LRRC75A: variants seen among roughly 807,000 people sequenced by gnomAD.
The protein encoded by LRRC75A is leucine rich repeat containing 75A.
A neutral mutation model predicts 26.0 loss-of-function variants in LRRC75A; 12 were observed. The observed-to-expected ratio is 0.46, with a 90% CI of 0.30 to 0.75. LRRC75A has a LOEUF of 0.75. LRRC75A is among the 30% of genes least tolerant of loss of function. The pLI, the probability that LRRC75A is intolerant of heterozygous loss-of-function variation, is 0.08. For synonymous variants in LRRC75A, 223 were observed against 219.3 expected, an observed-to-expected ratio of 1.02 and a Z score of -0.15; for missense variants, 410 against 486.6, an observed-to-expected ratio of 0.84 and a Z score of 1.48.
At chr17:16,476,564 T>C (rs1382415507) in intron 1 of LRRC75A, among the ~76,000 whole-genome samples, 1 of 151,350 alleles carries the variant, frequency 6.6e-6, no homozygotes, top group Non-Finnish European at 1.5e-5. Context: ...TGTAGGTATT[T>C]CAGATTTCTT....
chr17:16,491,874 G>T lies in LRRC75A; in HGVS notation c.117C>A (p.Asp39Glu). ...TCCCCGCGCCCGCGCGCCCCGCCTT[G>T]TCCCCGGCGCGCAGCAGCAGCGACG... ...FWASLLLRAG[D>E]KAGRAGAGMP... The change falls in exon 1 of 4, where the codon GAC becomes GAA. Residue 39 changes from aspartate to glutamate, a missense_variant. Asp to Glu is a conservative substitution (Grantham distance 45). Coordinates refer to ENST00000470794, the MANE Select transcript of LRRC75A (RefSeq NM_001113567.3). This position sits in a 1 kb window ranked among gnomAD's most constrained non-coding sequence, Gnocchi z 5.9. 7.3e-7 allele frequency: 1 copy of T among 1,374,280 alleles called. No individual in the cohort carries two copies. Among genetic ancestry groups the T allele is most frequent in the Non-Finnish European group, 9.4e-7 (1 of 1,059,594 alleles). 85.1% of individuals were successfully genotyped at this position (1,374,280 alleles called of 1,614,324 possible).
At chr17:16,450,515 GT>G (rs1266142410) in intron 2 of LRRC75A, among the ~76,000 whole-genome samples, 4 of 151,468 alleles carry the variant, frequency 2.6e-5, no homozygotes, top group South Asian at 4.2e-4. Context: ...TATCACACCT[GT>G]GTGTTACACC....
chr17:16,484,002 C>A (rs141115593), intron 1 of LRRC75A, among the ~76,000 whole-genome samples: 6 of 152,220 alleles, frequency 3.9e-5, no homozygotes, highest in African/African-American at 1.2e-4. Context: ...ATTTTAAAAA[C>A]CACCATTTTT....
In LRRC75A at chr17:16,448,038, G is replaced by T. The variant is rs534158974; in HGVS notation, c.376-78C>A. The T allele has an allele frequency of 1.4e-5, 19 of 1,315,892 alleles. No homozygotes were observed. In the Admixed American group the frequency reaches 1.8e-4, roughly 12 times the overall value. 81.5% of individuals were successfully genotyped at this position (1,315,892 alleles called of 1,614,324 possible). ...TCAGCCCCCAGGCTTCCTGTCTCCCGGGTAAGAGCCCAGCTCCCCCAGGCT... is the reference window on the plus strand; with the variant it reads ...TCAGCCCCCAGGCTTCCTGTCTCCCTGGTAAGAGCCCAGCTCCCCCAGGCT... On this transcript the variant is annotated intron_variant, in intron 2 of 3. Coordinates refer to ENST00000470794, the MANE Select transcript of LRRC75A (RefSeq NM_001113567.3).
Position 16,462,208 on chromosome 17 carries a change from ACCCACCGCACAC to A in LRRC75A, c.375+38_375+49del. 6.2e-7 allele frequency: 1 copy of A among 1,608,148 alleles called. No homozygotes were observed. The highest frequency in any genetic ancestry group is 8.5e-7 in the Non-Finnish European group (1 of 1,176,884). On this transcript the variant is annotated intron_variant, in intron 2 of 3. Transcript: ENST00000470794. The surrounding 1 kb of genome is among the most constrained non-coding windows in gnomAD (Gnocchi z 4.6). ...ATACAGCTGCTCTGCCCAGAAAGGC[ACCCACCGCACAC>A]CCCGGGACCTGGCTGGCTCGGACCA...
chr17:16,479,788 C>T (rs138332850), intron 1 of LRRC75A, among the ~76,000 whole-genome samples: 13 of 152,316 alleles, frequency 8.5e-5, no homozygotes, highest in African/African-American at 2.9e-4. Flanking sequence ...CTGCTTCCTC[C>T]AACACTAGGT....
At chr17:16,488,141 T>G (rs1234198737) in intron 1 of LRRC75A, among the ~76,000 whole-genome samples, 1 of 152,168 alleles carries the variant, frequency 6.6e-6, no homozygotes, top group African/African-American at 2.4e-5. Context: ...CCTCTCTCAA[T>G]GGCGGAAGGT....
chr17:16,454,724 A>G (rs981164859), intron 2 of LRRC75A, among the ~76,000 whole-genome samples: 2 of 144,602 alleles, frequency 1.4e-5, no homozygotes, highest in Non-Finnish European at 2.9e-5. Context: ...TAAAATAAAC[A>G]AATTCTAACA....
intron 2 of LRRC75A, among the ~76,000 whole-genome samples, chr17:16,456,282 G>A (rs1274333992): frequency 3.6e-5 from 5 of 140,594 alleles, no homozygotes; most frequent in South Asian, 2.3e-4. Context: ...AGGAGGAAGA[G>A]GAGGAGGAAG....
At chr17:16,479,142 C>T (rs73288920) in intron 1 of LRRC75A, among the ~76,000 whole-genome samples, 4,283 of 152,330 alleles carry the variant, frequency 0.028, 188 homozygotes, top group African/African-American at 0.098. Context: ...CAGATCCACT[C>T]AGGTTGTCTT....
chr17:16,447,703 CCT>C, intron 3 of LRRC75A, 140 bp downstream of exon 3: 2 of 616,916 alleles, frequency 3.2e-6, no homozygotes. Flanking sequence ...ACTCTGGAAT[CCT>C]CCTTCCATCT....
Position 16,462,145 on chromosome 17 carries a change from TTGTCCTC to T in LRRC75A, c.375+106_375+112del. ...AGCTCTTGGTGCCTGGAGGACGGGC[TTGTCCTC>T]CTTGGGCCTGTCTGCCAGTCCTCCT... On this transcript the variant is annotated intron_variant, in intron 2 of 3. Coordinates refer to ENST00000470794, the MANE Select transcript of LRRC75A (RefSeq NM_001113567.3). This position sits in a 1 kb window ranked among gnomAD's most constrained non-coding sequence, Gnocchi z 4.6. 7.4e-7 allele frequency: 1 copy of T among 1,345,704 alleles called. No individual in the cohort carries two copies. The highest frequency in any genetic ancestry group is 1.0e-6 in the Non-Finnish European group (1 of 983,532). The allele number at this position is 1,345,704 out of a possible 1,614,324, so 83.4% of individuals were successfully genotyped here.
intron 1 of LRRC75A, among the ~76,000 whole-genome samples, chr17:16,484,738 C>A (rs2093842414): frequency 6.6e-6 from 1 of 152,090 alleles, no homozygotes; most frequent in Admixed American, 6.6e-5. Flanking sequence ...GGCAGAGAGG[C>A]AGAAAGACAC....
At chr17:16,458,615 G>A (rs888645268) in intron 2 of LRRC75A, among the ~76,000 whole-genome samples, 3 of 151,974 alleles carry the variant, frequency 2.0e-5, no homozygotes, top group African/African-American at 4.8e-5. Flanking sequence ...ATAGGCATGC[G>A]CCACCACGCC....
At chr17:16,473,321 A>G (rs2093812183) in intron 1 of LRRC75A, among the ~76,000 whole-genome samples, 1 of 152,114 alleles carries the variant, frequency 6.6e-6, no homozygotes, top group Non-Finnish European at 1.5e-5. Context: ...GACTAGCAAA[A>G]GTAATAAAAG....
At chr17:16,486,870 A>G (rs1382375531) in intron 1 of LRRC75A, among the ~76,000 whole-genome samples, 1 of 152,258 alleles carries the variant, frequency 6.6e-6, no homozygotes, top group African/African-American at 2.4e-5. Context: ...GCACAGCCGT[A>G]GCTGGGGAAT....
In LRRC75A at chr17:16,443,496, C is replaced by T; in HGVS notation, c.*92G>A. On this transcript the variant is annotated 3_prime_UTR_variant, in exon 4 of 4. Transcript: ENST00000470794. ...GCCCAGGCCAATTTTTGGCAATATCCTTAACCCACCTGATAGGAGAAGCGC... is the reference window on the plus strand; with the variant it reads ...GCCCAGGCCAATTTTTGGCAATATCTTTAACCCACCTGATAGGAGAAGCGC... 7.8e-7 allele frequency: 1 copy of T among 1,276,006 alleles called. No homozygotes were observed. The highest frequency in any genetic ancestry group is 1.0e-6 in the Non-Finnish European group (1 of 954,134). The allele number at this position is 1,276,006 out of a possible 1,614,324, so 79.0% of individuals were successfully genotyped here.
chr17:16,457,877 G>A (rs1168676529), intron 2 of LRRC75A, among the ~76,000 whole-genome samples: 2 of 152,140 alleles, frequency 1.3e-5, no homozygotes, highest in Non-Finnish European at 2.9e-5. Flanking sequence ...GGGAAGGTGA[G>A]GTGGGAGGAT....
At chr17:16,457,177 C>T (rs2093692240) in intron 2 of LRRC75A, among the ~76,000 whole-genome samples, 1 of 152,198 alleles carries the variant, frequency 6.6e-6, no homozygotes, top group Non-Finnish European at 1.5e-5. Flanking sequence ...AGGACCCCGA[C>T]AAGCACAGCC....
Sources: allele counts gnomAD v4.1 joint callset (sites outside exome capture counted in the v4.1 genomes callset), GRCh38; gene constraint gnomAD v4.1.1; non-coding constraint Gnocchi (gnomAD v3.1); transcripts MANE v1.5; gene names NCBI Gene and HGNC (gene_info 2026-07-23, HGNC 2026-07-21).